ERBB4: variants seen among roughly 807,000 people sequenced by gnomAD.
ERBB4 encodes receptor tyrosine-protein kinase erbB-4.
Under a neutral mutation model 158.0 loss-of-function variants are expected in ERBB4, and 42 were observed. The observed-to-expected ratio is 0.27, with a 90% CI of 0.21 to 0.34. The LOEUF (loss-of-function observed/expected upper bound fraction) is 0.34, where lower values mean the gene tolerates loss of function less well. ERBB4 is among the 10% of genes least tolerant of loss of function. The pLI, the probability that ERBB4 is intolerant of heterozygous loss-of-function variation, is 1.00. For synonymous variants in ERBB4, 583 were observed against 558.7 expected (o/e 1.04, Z -0.61); for missense variants, 1,333 against 1,624.1 (o/e 0.82, Z 3.08).
At chr2:211,737,186 T>A (rs889550254) in intron 5 of ERBB4, among the ~76,000 whole-genome samples, 1 of 152,148 alleles carries the variant, frequency 6.6e-6, no homozygotes, top group Admixed American at 6.5e-5. Context: ...ATGCTTGACA[T>A]CCCTATTATG....
At chr2:211,571,041 CTT>C (rs549254649) in intron 19 of ERBB4, among the ~76,000 whole-genome samples, 4 of 109,080 alleles carry the variant, frequency 3.7e-5, no homozygotes, top group East Asian at 5.4e-4. Context: ...TACTCTTCTT[CTT>C]TTTTTTTTTT....
intron 16 of ERBB4, among the ~76,000 whole-genome samples, chr2:211,648,174 T>A (rs1318910242): frequency 6.6e-6 from 1 of 151,902 alleles, no homozygotes; most frequent in Non-Finnish European, 1.5e-5. Context: ...ACAGAATTTT[T>A]TATTTTCCTC....
intron 1 of ERBB4, among the ~76,000 whole-genome samples, chr2:212,401,274 T>G (rs1313591944): frequency 2.0e-5 from 3 of 152,220 alleles, no homozygotes; most frequent in South Asian, 2.1e-4. Flanking sequence ...TTTCTTCATT[T>G]GTAAAATACC....
chr2:211,876,279 T>G (rs777371812), intron 3 of ERBB4, among the ~76,000 whole-genome samples: 1 of 152,176 alleles, frequency 6.6e-6, no homozygotes, highest in Non-Finnish European at 1.5e-5. Context: ...TTTGGATTTA[T>G]GTGTCAAAGA....
At chr2:212,497,620 A>G (rs16848717) in intron 1 of ERBB4, among the ~76,000 whole-genome samples, 6,798 of 152,266 alleles carry the variant, frequency 0.045, 516 homozygotes, top group African/African-American at 0.15. Flanking sequence ...TTTGGAACAT[A>G]CAAGTCCTAC....
At chr2:212,032,650 T>C (rs2076928205) in intron 2 of ERBB4, among the ~76,000 whole-genome samples, 1 of 152,012 alleles carries the variant, frequency 6.6e-6, no homozygotes, top group Non-Finnish European at 1.5e-5. Context: ...TTTTCTTTGT[T>C]CAAAATAAAA....
intron 3 of ERBB4, among the ~76,000 whole-genome samples, chr2:211,879,524 A>T (rs2078604810): frequency 6.6e-6 from 1 of 152,248 alleles, no homozygotes; most frequent in African/African-American, 2.4e-5. Flanking sequence ...AGGGTGTGGC[A>T]ACACAGGCAC....
At position 212,276,851 on chromosome 2, in the gene ERBB4, A is replaced by G. The variant is rs954785714; in HGVS notation, c.83-151948T>C. ...GAAAAGCTATGTCATAAGCCATCTG[A>G]TGACTTTGTAAATGCAAAGGGCCAA... On this transcript the variant is annotated intron_variant, in intron 1 of 27. Coordinates refer to ENST00000342788, the MANE Select transcript of ERBB4 (RefSeq NM_005235.3). Among the ~76,000 whole-genome samples the G allele has an allele frequency of 2.0e-5, 3 of 151,810 alleles. No homozygotes were observed. In the Admixed American group the frequency reaches 2.0e-4, roughly 10 times the overall value.
At chr2:211,705,454 A>T in intron 9 of ERBB4, 63 bp from the exon 10 acceptor site, 5 of 1,022,618 alleles carry the variant, frequency 4.9e-6, no homozygotes, top group Non-Finnish European at 6.2e-6. Flanking sequence ...AAATATGAGA[A>T]ATGTGACAAT....
intron 25 of ERBB4, among the ~76,000 whole-genome samples, chr2:211,404,495 T>G (rs2063109104): frequency 6.6e-6 from 1 of 152,112 alleles, no homozygotes; most frequent in South Asian, 2.1e-4. Context: ...TACCTCAATG[T>G]CCCTCAATTT....
At chr2:212,099,112 T>C (rs2079009507) in intron 2 of ERBB4, among the ~76,000 whole-genome samples, 1 of 151,180 alleles carries the variant, frequency 6.6e-6, no homozygotes, top group South Asian at 2.1e-4. Context: ...AGTTCAAGAC[T>C]AGCCTGAGCA....
chr2:211,547,296 T>C (rs971344629), intron 20 of ERBB4, among the ~76,000 whole-genome samples: 1 of 152,136 alleles, frequency 6.6e-6, no homozygotes, highest in African/African-American at 2.4e-5. Context: ...TTGGTTGTGA[T>C]CAATTGTGGA....
At chr2:212,242,110 C>T (rs897409341) in intron 1 of ERBB4, among the ~76,000 whole-genome samples, 1 of 151,824 alleles carries the variant, frequency 6.6e-6, no homozygotes, top group African/African-American at 2.4e-5. Context: ...ACCTCAATCT[C>T]AACATAACAA....
chr2:211,901,090 A>C (rs2125031627), intron 3 of ERBB4, among the ~76,000 whole-genome samples: 1 of 152,236 alleles, frequency 6.6e-6, no homozygotes, highest in South Asian at 2.1e-4. Flanking sequence ...TTTTTCTTTC[A>C]TTTGGACATG....
At chr2:211,706,937 TG>T (rs761653872) in intron 9 of ERBB4, among the ~76,000 whole-genome samples, 1 of 152,166 alleles carries the variant, frequency 6.6e-6, no homozygotes, top group Non-Finnish European at 1.5e-5. Context: ...AAGTGTATCA[TG>T]TAGGAAAACT....
chr2:212,109,881 T>G (rs2079351373), intron 2 of ERBB4, among the ~76,000 whole-genome samples: 1 of 152,222 alleles, frequency 6.6e-6, no homozygotes, highest in African/African-American at 2.4e-5. Context: ...ACAATGAAGA[T>G]GCAGAGGGTA....
chr2:212,518,292 T>G (rs1041719486), intron 1 of ERBB4, among the ~76,000 whole-genome samples: 2 of 152,036 alleles, frequency 1.3e-5, no homozygotes, highest in African/African-American at 4.8e-5. Context: ...CTAATAATTG[T>G]CTCTGATCTC....
chr2:211,406,801 C>T (rs1177107910), intron 25 of ERBB4, among the ~76,000 whole-genome samples: 3 of 152,066 alleles, frequency 2.0e-5, no homozygotes, highest in Admixed American at 6.6e-5. Flanking sequence ...AAACTCAAGG[C>T]CAGGTGCAGT....
rs573839207 is a variant in ERBB4, at chr2:211,431,604, AATTATACTATTCTT to A, written c.2488-518_2488-505del. On this transcript the variant is annotated intron_variant, in intron 20 of 27. Coordinates refer to ENST00000342788, the MANE Select transcript of ERBB4 (RefSeq NM_005235.3). ...ATTATAGATTCTATGGAGGCTGAAG[AATTATACTATTCTT>A]ATTATACTATTCTTATTAATCATGC... Among the ~76,000 whole-genome samples the A allele has an allele frequency of 3.7e-3, 560 of 152,254 alleles. 5 individuals carry two copies. Among genetic ancestry groups the A allele is most frequent in the African/African-American group, 0.013 (538 of 41,546 alleles).
Sources: allele counts gnomAD v4.1 joint callset (sites outside exome capture counted in the v4.1 genomes callset), GRCh38; gene constraint gnomAD v4.1.1; transcripts MANE v1.5; gene names NCBI Gene and HGNC (gene_info 2026-07-23, HGNC 2026-07-21).